The following GXYLT2 variants were observed in gnomAD, a reference collection of about 807,000 sequenced individuals.
GXYLT2 encodes the protein glucoside xylosyltransferase 2, also known as glycosyltransferase 8 domain containing 4.
Under a neutral mutation model 45.8 loss-of-function variants are expected in GXYLT2, and 53 were observed. The ratio of observed to expected loss-of-function variants is 1.16; its 90% CI spans 0.93 to 1.46. The LOEUF (loss-of-function observed/expected upper bound fraction) is 1.46, where lower values mean the gene tolerates loss of function less well. Ranked by LOEUF, GXYLT2 falls within the 40% of genes most tolerant of loss-of-function variation. The probability of loss-of-function intolerance (pLI) is 0.00; values close to 1 mark genes in which losing one functional copy is unlikely to be tolerated. For synonymous variants in GXYLT2, 219 were observed against 214.2 expected (o/e 1.02, Z -0.19); for missense variants, 551 against 544.4 (o/e 1.01, Z -0.12).
intron 5 of GXYLT2, among the ~76,000 whole-genome samples, chr3:72,959,065 C>T (rs1290418668): frequency 6.7e-6 from 1 of 149,952 alleles, no homozygotes. Context: ...ACCTCAGCCT[C>T]CCAAGTAGCT....
chr3:72,918,145 A>C (rs977373788), intron 2 of GXYLT2, among the ~76,000 whole-genome samples: 2 of 152,200 alleles, frequency 1.3e-5, no homozygotes, highest in African/African-American at 2.4e-5. Flanking sequence ...TTCTGGTAAC[A>C]TTTTACTTAT....
In GXYLT2 at chr3:72,908,585, G is replaced by A. The variant is rs576091241; in HGVS notation, c.468+26G>A. The A allele has an allele frequency of 1.9e-5, 30 of 1,566,056 alleles. No individual in the cohort carries two copies. In the East Asian group the frequency reaches 6.7e-4, roughly 35 times the overall value. On this transcript the variant is annotated intron_variant, in intron 2 of 6. Transcript: ENST00000389617. ...GTGAATTTGCAGAAATCATGGCACAGTGTTTACTAAGTACAAACAGACTAC... is the reference window on the plus strand; with the variant it reads ...GTGAATTTGCAGAAATCATGGCACAATGTTTACTAAGTACAAACAGACTAC...
At chr3:72,927,152 T>C (rs1345156533) in intron 3 of GXYLT2, 1 of 152,132 alleles carries the variant, frequency 6.6e-6, no homozygotes. Flanking sequence ...TTGCCCAGGC[T>C]GGTCTCAAAC....
intron 5 of GXYLT2, among the ~76,000 whole-genome samples, chr3:72,960,070 C>G (rs190627810): frequency 6.6e-6 from 1 of 152,142 alleles, no homozygotes; most frequent in Non-Finnish European, 1.5e-5. Context: ...CTCAGCCTCC[C>G]GAGCAGCTGG....
intron 2 of GXYLT2, among the ~76,000 whole-genome samples, chr3:72,916,314 G>GA (rs1056060484): frequency 5.5e-4 from 70 of 127,968 alleles, no homozygotes; most frequent in East Asian, 1.1e-3. Flanking sequence ...CAAACTTTAG[G>GA]AAAAAAAAAA....
intron 3 of GXYLT2, among the ~76,000 whole-genome samples, chr3:72,940,789 C>G (rs1710283004): frequency 6.6e-6 from 1 of 152,134 alleles, no homozygotes; most frequent in African/African-American, 2.4e-5. Context: ...TCAGAGGACC[C>G]TCCTGTCTCA....
chr3:72,944,838 G>A (rs1370033886), intron 3 of GXYLT2, among the ~76,000 whole-genome samples: 1 of 152,104 alleles, frequency 6.6e-6, no homozygotes, highest in Non-Finnish European at 1.5e-5. Context: ...AAATGCATGA[G>A]AGGTAAGGAA....
intron 3 of GXYLT2, among the ~76,000 whole-genome samples, chr3:72,951,115 A>T (rs955209018): frequency 6.6e-6 from 1 of 152,226 alleles, no homozygotes; most frequent in Non-Finnish European, 1.5e-5. Context: ...ATGGCCAACA[A>T]TGATCCTCTT....
intron 2 of GXYLT2, among the ~76,000 whole-genome samples, chr3:72,919,475 C>A (rs865787121): frequency 3.3e-5 from 5 of 152,210 alleles, no homozygotes; most frequent in African/African-American, 1.2e-4. Flanking sequence ...CAGTAATGGG[C>A]TGGGCACGGT....
intron 1 of GXYLT2, among the ~76,000 whole-genome samples, chr3:72,905,091 AAAG>A (rs1240997559): frequency 6.1e-5 from 9 of 146,558 alleles, no homozygotes; most frequent in African/African-American, 2.3e-4. Context: ...AAAAAAAAGG[AAAG>A]AAAAGAAAAA....
intron 5 of GXYLT2, among the ~76,000 whole-genome samples, chr3:72,958,503 T>A (rs745854074): frequency 1.3e-5 from 2 of 152,060 alleles, no homozygotes; most frequent in Non-Finnish European, 1.5e-5. Context: ...ATTTCATATG[T>A]CTTTGGATCA....
At chr3:72,956,013 G>C (rs918092413) in intron 4 of GXYLT2, among the ~76,000 whole-genome samples, 1 of 152,182 alleles carries the variant, frequency 6.6e-6, no homozygotes, top group Non-Finnish European at 1.5e-5. Context: ...GAACAGCAGA[G>C]GTTGCAGTGA....
chr3:72,963,929 C>T (rs1211301418), intron 5 of GXYLT2, among the ~76,000 whole-genome samples: 1 of 152,060 alleles, frequency 6.6e-6, no homozygotes, highest in Non-Finnish European at 1.5e-5. Flanking sequence ...CCTGCCTTGG[C>T]GTCCCAAAGT....
chr3:72,948,995 A>G (rs1470946310), intron 3 of GXYLT2, among the ~76,000 whole-genome samples: 1 of 152,080 alleles, frequency 6.6e-6, no homozygotes, highest in East Asian at 1.9e-4. Flanking sequence ...AGAAGGAGAG[A>G]AATGGACAGA....
chr3:72,957,306 G>A lies in GXYLT2; in HGVS notation c.930G>A (p.Thr310=), dbSNP rs147613236. Residue 310 remains threonine (T), a synonymous_variant, in exon 5 of 7, where the codon ACG becomes ACA. Transcript: ENST00000389617. Reference sequence around the variant, plus strand: ...ACCAGAAGTACAAGAATGCCATCACGTGGGGAGACCAGGATTTATTAAATA... The same window carrying A: ...ACCAGAAGTACAAGAATGCCATCACATGGGGAGACCAGGATTTATTAAATA... ...PLYQKYKNAI[T]WGDQDLLNII... is the part of the protein sequence containing the mutation. 6.2e-6 allele frequency: 10 copies of A among 1,613,252 alleles called. No individual in the cohort carries two copies. The highest frequency in any genetic ancestry group is 1.7e-5 in the Admixed American group (1 of 59,944).
At chr3:72,938,312 T>C (rs533203061) in intron 3 of GXYLT2, among the ~76,000 whole-genome samples, 15 of 152,162 alleles carry the variant, frequency 9.9e-5, no homozygotes, top group Non-Finnish European at 2.1e-4. Context: ...CTTTAACCAC[T>C]GCTTCAAAAA....
intron 3 of GXYLT2, among the ~76,000 whole-genome samples, chr3:72,938,169 A>G (rs954469334): frequency 1.3e-5 from 2 of 152,244 alleles, no homozygotes; most frequent in Admixed American, 1.3e-4. Context: ...TTTGGTACAT[A>G]CTAACAGAAG....
chr3:72,963,542 G>C (rs969735827), intron 5 of GXYLT2, among the ~76,000 whole-genome samples: 6 of 144,578 alleles, frequency 4.2e-5, no homozygotes, highest in African/African-American at 1.5e-4. Flanking sequence ...TCACCCTGTT[G>C]CCCAGGCTGG....
intron 3 of GXYLT2, among the ~76,000 whole-genome samples, chr3:72,930,468 C>T (rs1348001399): frequency 1.4e-5 from 2 of 148,124 alleles, no homozygotes; most frequent in Non-Finnish European, 3.0e-5. Context: ...TGCCACTGCA[C>T]TCCAGCCTGG....
Sources: gnomAD v4.1 joint callset for allele counts (sites outside exome capture counted in the v4.1 genomes callset) on GRCh38, gnomAD v4.1.1 for gene constraint, MANE v1.5 for transcripts, NCBI Gene and HGNC (gene_info 2026-07-23, HGNC 2026-07-21) for gene names.